Variants in FOXRED1 observed in about 807,000 individuals in gnomAD.
FOXRED1 encodes the protein FAD dependent oxidoreductase domain containing 1.
FOXRED1 carries 52 observed loss-of-function variants against 57.8 expected under a neutral mutation model. The ratio of observed to expected loss-of-function variants is 0.90; its 90% confidence interval spans 0.72 to 1.13. The LOEUF (loss-of-function observed/expected upper bound fraction) is 1.13, where lower values mean the gene tolerates loss of function less well. Ranked by LOEUF, FOXRED1 falls within the 50% of genes most tolerant of loss-of-function variation. FOXRED1 has a pLI of 0.00. For synonymous variants in FOXRED1, 271 were observed against 248.3 expected, an observed-to-expected ratio of 1.09 and a Z score of -0.86; for missense variants, 589 against 625.2, an observed-to-expected ratio of 0.94 and a Z score of 0.62.
chr11:126,271,419 C>G lies in FOXRED1; in HGVS notation c.86-18C>G. On this transcript the variant is annotated intron_variant, in intron 1 of 10. Transcript: ENST00000263578. This position sits in a 1 kb window ranked among gnomAD's most constrained non-coding sequence, Gnocchi z 5.3. Reference sequence around the variant, plus strand: ...GGAAGGAAATGTTTGGCCCTCTGACCCTAACTACATCCCACAGACTGGGAT... The same window carrying G: ...GGAAGGAAATGTTTGGCCCTCTGACGCTAACTACATCCCACAGACTGGGAT... 6.3e-7 allele frequency: 1 copy of G among 1,594,114 alleles called. No homozygotes were observed. The highest frequency in any genetic ancestry group is 8.6e-7 in the Non-Finnish European group (1 of 1,161,976).
Position 126,274,306 on chromosome 11 carries a change from T to G in FOXRED1, c.537-621T>G. 6.1e-6 allele frequency: 1 copy of G among 165,114 alleles called. No individual in the cohort carries two copies. Among genetic ancestry groups the G allele is most frequent in the Non-Finnish European group, 1.3e-5 (1 of 74,918 alleles). The allele number at this position is 165,114 out of a possible 1,614,324, so 10.2% of individuals were successfully genotyped here. On this transcript the variant is annotated intron_variant, in intron 4 of 10. Transcript: ENST00000263578. The surrounding 1 kb of genome is among the most constrained non-coding windows in gnomAD (Gnocchi z 4.8). The stretch of plus-strand genomic sequence containing the variant: ...GATTGTACAAGGAGTGGAGAGGAGG[T>G]GGATCCAGGCAGGAGTGGAGGGAAC...
intron 1 of FOXRED1, among the ~76,000 whole-genome samples, chr11:126,270,593 G>A (rs771771187): frequency 5.3e-5 from 8 of 152,282 alleles, no homozygotes; most frequent in Non-Finnish European, 1.0e-4. Context: ...CCTGTGGTGG[G>A]AGGAAATAAG....
rs764862138 is a variant in FOXRED1 at position 126,277,261 on chromosome 11, C to T, written c.1206+86C>T. Reference sequence around the variant, plus strand: ...TGGAGCACATTGGTCCCCTCGGACCCGTGACTGCCGTAGTCCCTCCATGTC... The same window carrying T: ...TGGAGCACATTGGTCCCCTCGGACCTGTGACTGCCGTAGTCCCTCCATGTC... On this transcript the variant is annotated intron_variant, in intron 10 of 10. Transcript: ENST00000263578. The surrounding 1 kb of genome is among the most constrained non-coding windows in gnomAD (Gnocchi z 6.8). 72 of 1,176,472 alleles carry T rather than the reference C, an allele frequency of 6.1e-5. No individual in the cohort carries two copies. The highest frequency in any genetic ancestry group is 8.7e-5 in the Non-Finnish European group (68 of 784,592). The allele number at this position is 1,176,472 out of a possible 1,614,324, so 72.9% of individuals were successfully genotyped here.
chr11:126,276,552 C>T (rs1407977296), intron 9 of FOXRED1, 29 bp downstream of exon 9: 7 of 1,596,670 alleles, frequency 4.4e-6, no homozygotes, highest in Non-Finnish European at 5.1e-6. Flanking sequence ...GACATGCTGG[C>T]AAGGAGACAT....
chr11:126,277,248 G>T lies in FOXRED1; in HGVS notation c.1206+73G>T. 8.2e-7 allele frequency: 1 copy of T among 1,220,416 alleles called. No homozygotes were observed. The allele number at this position is 1,220,416 out of a possible 1,614,324, so 75.6% of individuals were successfully genotyped here. A position where few individuals can be genotyped will look rare whatever the true frequency, so the allele number is the denominator to read the frequency against. ...GGACAGATGACAGTGGAGCACATTG[G>T]TCCCCTCGGACCCGTGACTGCCGTA... On this transcript the variant is annotated intron_variant, in intron 10 of 10. Transcript: ENST00000263578. The surrounding 1 kb of genome is among the most constrained non-coding windows in gnomAD (Gnocchi z 6.8).
chr11:126,269,154 G>C lies in FOXRED1; in HGVS notation c.-53G>C. The stretch of plus-strand genomic sequence containing the variant: ...TTTGGCGCGGAGCAGTGACGGCTGC[G>C]ATAATAGCGAGGCAGCAGTGCAGCT... On this transcript the variant is annotated 5_prime_UTR_variant, in exon 1 of 11. Transcript: ENST00000263578. 1 of 1,394,334 alleles carries C rather than the reference G, an allele frequency of 7.2e-7. No homozygotes were observed. Among genetic ancestry groups the C allele is most frequent in the Non-Finnish European group, 1.0e-6 (1 of 981,436 alleles). The allele number at this position is 1,394,334 out of a possible 1,614,324, so 86.4% of individuals were successfully genotyped here.
chr11:126,270,419 C>T (rs954237052), intron 1 of FOXRED1, among the ~76,000 whole-genome samples: 3 of 152,216 alleles, frequency 2.0e-5, no homozygotes, highest in African/African-American at 4.8e-5. Context: ...CACAGCCTCC[C>T]CCCTCATGGA....
In FOXRED1 at chr11:126,274,114, A is replaced by T. The variant is rs1204008551; in HGVS notation, c.536+660A>T. 1.9e-5 allele frequency: 3 copies of T among 157,532 alleles called. No homozygotes were observed. Among genetic ancestry groups the T allele is most frequent in the Non-Finnish European group, 4.2e-5 (3 of 71,084 alleles). The allele number at this position is 157,532 out of a possible 1,614,324, so 9.8% of individuals were successfully genotyped here. A position where few individuals can be genotyped will look rare whatever the true frequency, so the allele number is the denominator to read the frequency against. On this transcript the variant is annotated intron_variant, in intron 4 of 10. Coordinates refer to ENST00000263578, the MANE Select transcript of FOXRED1 (RefSeq NM_017547.4). The surrounding 1 kb of genome is among the most constrained non-coding windows in gnomAD (Gnocchi z 4.8). ...TATTAACTCATTTAATCATCAGAAC[A>T]TCCCCATTTTACATATGAGGAAACT... is the stretch of plus-strand genomic sequence containing the variant.
chr11:126,272,376 T>C lies in FOXRED1; in HGVS notation c.307-593T>C. ...GCCCAGGCTGGAGTACGGTATAACC[T>C]CCACCTCCCAGGCTCAAGTGGTCCT... On this transcript the variant is annotated intron_variant, in intron 2 of 10. Coordinates refer to ENST00000263578, the MANE Select transcript of FOXRED1 (RefSeq NM_017547.4). The surrounding 1 kb of genome is among the most constrained non-coding windows in gnomAD (Gnocchi z 4.6). The C allele has an allele frequency of 5.5e-6, 1 of 182,982 alleles. No individual in the cohort carries two copies. Among genetic ancestry groups the C allele is most frequent in the South Asian group, 1.1e-4 (1 of 9,076 alleles). 11.3% of individuals were successfully genotyped at this position (182,982 alleles called of 1,614,324 possible). A position where few individuals can be genotyped will look rare whatever the true frequency, so the allele number is the denominator to read the frequency against.
chr11:126,275,324 C>T lies in FOXRED1; in HGVS notation c.632-3C>T. ...TTTGTGAGTTCTCTTTTTCTTATCA[C>T]AGGGATGGAGGACGAAGGTTGGTTT... On this transcript the variant is annotated splice_region_variant and splice_polypyrimidine_tract_variant and intron_variant, in intron 5 of 10. Coordinates refer to ENST00000263578, the MANE Select transcript of FOXRED1 (RefSeq NM_017547.4). The surrounding 1 kb of genome is among the most constrained non-coding windows in gnomAD (Gnocchi z 5.9). 2 of 1,603,694 alleles carry T rather than the reference C, an allele frequency of 1.2e-6. No homozygotes were observed. Among genetic ancestry groups the T allele is most frequent in the Middle Eastern group, 1.7e-4 (1 of 5,996 alleles).
At position 126,277,844 on chromosome 11, in the gene FOXRED1, C is replaced by G. The variant is rs1210392071; in HGVS notation, c.*155C>G. 1 of 807,526 alleles carries G rather than the reference C, an allele frequency of 1.2e-6. No individual in the cohort carries two copies. Among genetic ancestry groups the G allele is most frequent in the East Asian group, 2.6e-5 (1 of 39,182 alleles). 50.0% of individuals were successfully genotyped at this position (807,526 alleles called of 1,614,324 possible). A position where few individuals can be genotyped will look rare whatever the true frequency, so the allele number is the denominator to read the frequency against. ...AGGCCATTGCACCCATATGGCTGGG[C>G]AGGCACAGGCAGTGAGGCCGAGGCC... On this transcript the variant is annotated 3_prime_UTR_variant, in exon 11 of 11. Coordinates refer to ENST00000263578, the MANE Select transcript of FOXRED1 (RefSeq NM_017547.4). This position sits in a 1 kb window ranked among gnomAD's most constrained non-coding sequence, Gnocchi z 6.8.
Position 126,271,698 on chromosome 11 carries a change from A to G in FOXRED1, c.306+41A>G. 6.7e-7 allele frequency: 1 copy of G among 1,485,222 alleles called. No individual in the cohort carries two copies. The highest frequency in any genetic ancestry group is 9.4e-7 in the Non-Finnish European group (1 of 1,064,590). 92.0% of individuals were successfully genotyped at this position (1,485,222 alleles called of 1,614,324 possible). A position where few individuals can be genotyped will look rare whatever the true frequency, so the allele number is the denominator to read the frequency against. On this transcript the variant is annotated intron_variant, in intron 2 of 10. Transcript: ENST00000263578. The surrounding 1 kb of genome is among the most constrained non-coding windows in gnomAD (Gnocchi z 5.3). ...GGGCAGAGTCATGAGTGGGGCAAGA[A>G]AGATGACTCATTTTATTAAGGACTC...
rs962080420 is a variant in FOXRED1 at position 126,278,012 on chromosome 11, C to T, written c.*323C>T. ...ACTGACCAGGAAAGACTGCCTCTGACCCTCTTAGCAGACAGAGCCCAGGCA... is the reference window on the plus strand; with the variant it reads ...ACTGACCAGGAAAGACTGCCTCTGATCCTCTTAGCAGACAGAGCCCAGGCA... On this transcript the variant is annotated 3_prime_UTR_variant, in exon 11 of 11. Coordinates refer to ENST00000263578, the MANE Select transcript of FOXRED1 (RefSeq NM_017547.4). This position sits in a 1 kb window ranked among gnomAD's most constrained non-coding sequence, Gnocchi z 4.8. 7.1e-6 allele frequency: 4 copies of T among 562,610 alleles called. No homozygotes were observed. Among genetic ancestry groups the T allele is most frequent in the South Asian group, 3.1e-5 (2 of 65,406 alleles). The allele number at this position is 562,610 out of a possible 1,614,324, so 34.9% of individuals were successfully genotyped here. A position where few individuals can be genotyped will look rare whatever the true frequency, so the allele number is the denominator to read the frequency against.
Position 126,271,362 on chromosome 11 carries a change from C to A in FOXRED1, c.86-75C>A. ...ATGTGTCTGTTTAGCTCACCTTTTCCTGTGCCCATCCTCCAACCCCCCAAC... is the reference window on the plus strand; with the variant it reads ...ATGTGTCTGTTTAGCTCACCTTTTCATGTGCCCATCCTCCAACCCCCCAAC... On this transcript the variant is annotated intron_variant, in intron 1 of 10. Coordinates refer to ENST00000263578, the MANE Select transcript of FOXRED1 (RefSeq NM_017547.4). This position sits in a 1 kb window ranked among gnomAD's most constrained non-coding sequence, Gnocchi z 5.3. 9.2e-7 allele frequency: 1 copy of A among 1,085,906 alleles called. No homozygotes were observed. The highest frequency in any genetic ancestry group is 1.4e-6 in the Non-Finnish European group (1 of 700,226). The allele number at this position is 1,085,906 out of a possible 1,614,324, so 67.3% of individuals were successfully genotyped here.
chr11:126,274,881 A>G lies in FOXRED1; in HGVS notation c.537-46A>G, dbSNP rs1430929432. Reference sequence around the variant, plus strand: ...GGGTCCATACATCATCCCCCTGCACACTCCCCTCTCTGACACACATACACC... The same window carrying G: ...GGGTCCATACATCATCCCCCTGCACGCTCCCCTCTCTGACACACATACACC... On this transcript the variant is annotated intron_variant, in intron 4 of 10. Transcript: ENST00000263578. The surrounding 1 kb of genome is among the most constrained non-coding windows in gnomAD (Gnocchi z 4.8). 1.8e-6 allele frequency: 2 copies of G among 1,115,274 alleles called. No individual in the cohort carries two copies. Among genetic ancestry groups the G allele is most frequent in the African/African-American group, 1.5e-5 (1 of 65,112 alleles). The allele number at this position is 1,115,274 out of a possible 1,614,324, so 69.1% of individuals were successfully genotyped here.
intron 1 of FOXRED1, among the ~76,000 whole-genome samples, chr11:126,270,108 T>G (rs1050013975): frequency 6.6e-6 from 1 of 152,102 alleles, no homozygotes. Flanking sequence ...TGGAGGATGT[T>G]TACTGGCTTA....
rs753729232 is a variant in FOXRED1, at chr11:126,275,312, T to G, written c.632-15T>G. The stretch of plus-strand genomic sequence containing the variant: ...TCCTCATCCCTCTTTGTGAGTTCTC[T>G]TTTTCTTATCACAGGGATGGAGGAC... On this transcript the variant is annotated splice_polypyrimidine_tract_variant and intron_variant, in intron 5 of 10. Coordinates refer to ENST00000263578, the MANE Select transcript of FOXRED1 (RefSeq NM_017547.4). The surrounding 1 kb of genome is among the most constrained non-coding windows in gnomAD (Gnocchi z 5.9). The G allele has an allele frequency of 6.3e-7, 1 of 1,585,518 alleles. No homozygotes were observed. Among genetic ancestry groups the G allele is most frequent in the South Asian group, 1.1e-5 (1 of 90,516 alleles).
At position 126,277,859 on chromosome 11, in the gene FOXRED1, A is replaced by G; in HGVS notation, c.*170A>G. On this transcript the variant is annotated 3_prime_UTR_variant, in exon 11 of 11. Transcript: ENST00000263578. The surrounding 1 kb of genome is among the most constrained non-coding windows in gnomAD (Gnocchi z 6.8). ...TATGGCTGGGCAGGCACAGGCAGTG[A>G]GGCCGAGGCCAATAGCGAGTGATGA... The G allele has an allele frequency of 1.3e-6, 1 of 746,078 alleles. No individual in the cohort carries two copies. 46.2% of individuals were successfully genotyped at this position (746,078 alleles called of 1,614,324 possible).
At position 126,273,812 on chromosome 11, in the gene FOXRED1, T is replaced by C; in HGVS notation, c.536+358T>C. The C allele has an allele frequency of 6.3e-6, 2 of 318,080 alleles. No homozygotes were observed. Among genetic ancestry groups the C allele is most frequent in the South Asian group, 5.8e-5 (2 of 34,630 alleles). The allele number at this position is 318,080 out of a possible 1,614,324, so 19.7% of individuals were successfully genotyped here. ...TCTGTAAAGGGCCAGATAGTATATATTTTAGGTTTTGCTGGCCATACAGTC... is the reference window on the plus strand; with the variant it reads ...TCTGTAAAGGGCCAGATAGTATATACTTTAGGTTTTGCTGGCCATACAGTC... On this transcript the variant is annotated intron_variant, in intron 4 of 10. Coordinates refer to ENST00000263578, the MANE Select transcript of FOXRED1 (RefSeq NM_017547.4). This position sits in a 1 kb window ranked among gnomAD's most constrained non-coding sequence, Gnocchi z 5.9.
Sources: allele counts gnomAD v4.1 joint callset (sites outside exome capture counted in the v4.1 genomes callset), GRCh38; gene constraint gnomAD v4.1.1; non-coding constraint Gnocchi (gnomAD v3.1); transcripts MANE v1.5; gene names NCBI Gene and HGNC (gene_info 2026-07-23, HGNC 2026-07-21).